Variants in CLCN4 observed in about 807,000 individuals in gnomAD.
The protein encoded by CLCN4 is H(+)/Cl(-) exchange transporter 4.
A neutral mutation model predicts 41.7 loss-of-function variants in CLCN4; 1 was observed. The ratio of observed to expected loss-of-function variants is 0.02; its 90% CI spans 0.01 to 0.11. The LOEUF (loss-of-function observed/expected upper bound fraction) is 0.11, where lower values mean the gene tolerates loss of function less well. Ranked by LOEUF, CLCN4 falls within the 10% of genes least tolerant of loss-of-function variation. CLCN4 has a pLI of 1.00. For missense variants in CLCN4, 287 were observed against 661.0 expected, an observed-to-expected ratio of 0.43 and a Z score of 6.20; for synonymous variants, 277 against 285.8, an observed-to-expected ratio of 0.97 and a Z score of 0.31.
rs1257218430 is a variant in CLCN4 at position 10,233,874 on chromosome X, T to A, written c.*290T>A. ...TAAATGATGTAAATGATGTGATCTG[T>A]ACAAGTATGTGGAGCATGAATGCTG... On this transcript the variant is annotated 3_prime_UTR_variant, in exon 13 of 13. Transcript: ENST00000380833. The A allele has an allele frequency of 8.3e-6, 2 of 242,303 alleles. No individual in the cohort carries two copies. Among genetic ancestry groups the A allele is most frequent in the Non-Finnish European group, 1.5e-5 (2 of 136,600 alleles). 20.0% of individuals were successfully genotyped at this position (242,303 alleles called of 1,213,427 possible).
At chrX:10,173,745 A>C (rs1444682803) in intron 2 of CLCN4, among the ~76,000 whole-genome samples, 1 of 112,138 alleles carries the variant, frequency 8.9e-6, no homozygotes, top group Non-Finnish European at 1.9e-5. Context: ...CAGTTTAACC[A>C]GAAGCCCAGG....
intron 8 of CLCN4, among the ~76,000 whole-genome samples, chrX:10,207,386 G>A (rs2147179126): frequency 8.9e-6 from 1 of 112,103 alleles, no homozygotes; most frequent in South Asian, 3.7e-4. Context: ...TCTGTAAAAG[G>A]CCAGGTAGTA....
Position 10,161,124 on chromosome X carries a change from G to GCTCTCTCTCTCTCTCT in CLCN4, c.-12+2596_-12+2611dup, listed in dbSNP as rs34687262. Among the ~76,000 whole-genome samples, 319 of 86,375 alleles carry GCTCTCTCTCTCTCTCT rather than the reference G, an allele frequency of 3.7e-3. 6 individuals are homozygous for GCTCTCTCTCTCTCTCT. The highest frequency in any genetic ancestry group is 0.013 in the African/African-American group (281 of 22,338). 75.0% of individuals were successfully genotyped at this position (86,375 alleles called of 115,157 possible). A position where few individuals can be genotyped will look rare whatever the true frequency, so the allele number is the denominator to read the frequency against. ...GTTCCCTTTCCGTTGCCATCAGCTT[G>GCTCTCTCTCTCTCTCT]CTCTCTCTCTCTCTCTCTCTCTCTC... On this transcript the variant is annotated intron_variant, in intron 2 of 12. Coordinates refer to ENST00000380833, the MANE Select transcript of CLCN4 (RefSeq NM_001830.4).
chrX:10,196,318 A>G (rs1602150637), intron 5 of CLCN4, among the ~76,000 whole-genome samples: 1 of 112,073 alleles, frequency 8.9e-6, no homozygotes, highest in South Asian at 3.7e-4. Context: ...TAGCATTTAG[A>G]GCTTCAGATC....
intron 6 of CLCN4, among the ~76,000 whole-genome samples, chrX:10,201,307 C>T (rs766720378): frequency 5.3e-3 from 588 of 111,499 alleles, no homozygotes; most frequent in Admixed American, 8.3e-3. Context: ...TATATAAGTG[C>T]GTGATGGATT....
chrX:10,177,098 T>C (rs111693830), intron 2 of CLCN4, among the ~76,000 whole-genome samples: 391 of 113,003 alleles, frequency 3.5e-3, no homozygotes, highest in African/African-American at 0.012. Context: ...GAATGGTTTT[T>C]GCATTTTTAT....
At chrX:10,204,067 G>A (rs762881194) in intron 6 of CLCN4, among the ~76,000 whole-genome samples, 13 of 111,717 alleles carry the variant, frequency 1.2e-4, no homozygotes, top group African/African-American at 3.9e-4. Flanking sequence ...ATTGGGGGAC[G>A]GGTTGGAGGT....
chrX:10,197,489 G>A (rs1227948746), intron 5 of CLCN4, among the ~76,000 whole-genome samples: 2 of 111,099 alleles, frequency 1.8e-5, no homozygotes, highest in African/African-American at 3.3e-5. Context: ...GGCCCGACCC[G>A]TATTCATTGG....
At chrX:10,213,073 C>G (rs1010038081) in intron 10 of CLCN4, among the ~76,000 whole-genome samples, 1 of 111,754 alleles carries the variant, frequency 8.9e-6, no homozygotes. Flanking sequence ...AGTTGAATAT[C>G]TCTTGTAATT....
chrX:10,195,191 C>A, intron 5 of CLCN4, 93 bp downstream of exon 5: 1 of 902,559 alleles, frequency 1.1e-6, no homozygotes, highest in Non-Finnish European at 1.6e-6. Flanking sequence ...TCTGTGATTT[C>A]ACCTTCAAGT....
intron 12 of CLCN4, among the ~76,000 whole-genome samples, chrX:10,225,531 A>G (rs1479103592): frequency 8.9e-6 from 1 of 111,878 alleles, no homozygotes; most frequent in Non-Finnish European, 1.9e-5. Context: ...AATTTCTCCC[A>G]TTCTGTAGGT....
intron 2 of CLCN4, among the ~76,000 whole-genome samples, chrX:10,183,464 A>G (rs1313039686): frequency 8.9e-6 from 1 of 112,430 alleles, no homozygotes; most frequent in Non-Finnish European, 1.9e-5. Context: ...TGTTTTTATA[A>G]CCACCCTTCA....
rs550467927 is a variant in CLCN4, at chrX:10,158,217, T to G, written c.-274-72T>G. 1.3e-3 allele frequency: 373 copies of G among 283,300 alleles called. 3 individuals are homozygous for G. In the South Asian group the frequency reaches 0.014, roughly 11 times the overall value. The allele number at this position is 283,300 out of a possible 1,213,427, so 23.3% of individuals were successfully genotyped here. A position where few individuals can be genotyped will look rare whatever the true frequency, so the allele number is the denominator to read the frequency against. On this transcript the variant is annotated intron_variant, in intron 1 of 12. Coordinates refer to ENST00000380833, the MANE Select transcript of CLCN4 (RefSeq NM_001830.4). The stretch of plus-strand genomic sequence containing the variant: ...TATTGCTAATTCTTTTGAAATCCTA[T>G]TACTCGCTTGGAGCCTGTAATAATT...
chrX:10,214,319 C>T (rs1924649935), intron 11 of CLCN4, among the ~76,000 whole-genome samples: 1 of 112,596 alleles, frequency 8.9e-6, no homozygotes, highest in Non-Finnish European at 1.9e-5. Flanking sequence ...TGCTGGTCCC[C>T]ACGTCACACT....
Position 10,202,864 on chromosome X carries a change from ATATT to A in CLCN4, c.556-3486_556-3483del, listed in dbSNP as rs1194284685. On this transcript the variant is annotated intron_variant, in intron 6 of 12. Transcript: ENST00000380833. ...ACATAAAACATAAACACTCTTACAAATATTTATTTATCGGAAAGAGTTCTGGTTT... is the reference window on the plus strand; with the variant it reads ...ACATAAAACATAAACACTCTTACAAATATTTATCGGAAAGAGTTCTGGTTT... Among the ~76,000 whole-genome samples, 4 of 110,794 alleles carry A rather than the reference ATATT, an allele frequency of 3.6e-5. No homozygotes were observed. In the South Asian group the frequency reaches 1.1e-3, roughly 31 times the overall value.
chrX:10,236,210 G>C lies in CLCN4; in HGVS notation c.*2626G>C, dbSNP rs148182331. The C allele has an allele frequency of 8.1e-5, 9 of 111,788 alleles. No homozygotes were observed. Among genetic ancestry groups the C allele is most frequent in the East Asian group, 2.8e-4 (1 of 3,547 alleles). The allele number at this position is 111,788 out of a possible 1,213,427, so 9.2% of individuals were successfully genotyped here. A position where few individuals can be genotyped will look rare whatever the true frequency, so the allele number is the denominator to read the frequency against. ...CTTTCTAATCTGGCTGAGGCCATGGGGGGGAATGAGGGGAAATTATGCTTC... is the reference window on the plus strand; with the variant it reads ...CTTTCTAATCTGGCTGAGGCCATGGCGGGGAATGAGGGGAAATTATGCTTC... On this transcript the variant is annotated 3_prime_UTR_variant, in exon 13 of 13. Transcript: ENST00000380833.
chrX:10,194,842 G>A (rs940855427), intron 4 of CLCN4, 69 bp from the exon 5 acceptor site: 8 of 1,081,150 alleles, frequency 7.4e-6, no homozygotes, highest in African/African-American at 3.7e-5. Context: ...CTGTCTGGCC[G>A]CCGTGTTGGT....
chrX:10,181,361 AAAAG>A (rs151045675), intron 2 of CLCN4, among the ~76,000 whole-genome samples: 30,042 of 106,779 alleles, frequency 0.28, 3,856 homozygotes, highest in African/African-American at 0.46. Context: ...CCTGAAAAAA[AAAAG>A]AAAGAAAAGA....
At chrX:10,221,026 A>G in intron 12 of CLCN4, 149 bp downstream of exon 12, 1 of 530,021 alleles carries the variant, frequency 1.9e-6, no homozygotes, top group Non-Finnish European at 3.2e-6. Flanking sequence ...TTGAGGAGGA[A>G]ATGTACAGGG....
Sources: allele counts gnomAD v4.1 joint callset (sites outside exome capture counted in the v4.1 genomes callset), GRCh38; gene constraint gnomAD v4.1.1; transcripts MANE v1.5; gene names NCBI Gene and HGNC (gene_info 2026-07-23, HGNC 2026-07-21).